The following GRIP2 variants were observed in gnomAD, a reference collection of about 807,000 sequenced individuals.
The protein encoded by GRIP2 is glutamate receptor-interacting protein 2.
In GRIP2, 58 loss-of-function variants were observed where a neutral mutation model predicts 108.3. That is an observed-to-expected ratio of 0.54 (90% CI 0.43 to 0.67). The LOEUF is 0.67. Among genes scored for constraint, GRIP2 ranks in the 30% least tolerant of loss-of-function variants. The pLI, the probability that GRIP2 is intolerant of heterozygous loss-of-function variation, is 0.00. For synonymous variants in GRIP2, 586 were observed against 598.2 expected, an observed-to-expected ratio of 0.98 and a Z score of 0.30; for missense variants, 1,278 against 1,430.6, an observed-to-expected ratio of 0.89 and a Z score of 1.72.
rs1022537012 is a variant in GRIP2 at position 14,496,471 on chromosome 3, G to A, written c.2769C>T (p.Ala923=). 3 of 1,612,282 alleles carry A rather than the reference G, an allele frequency of 1.9e-6. No individual in the cohort carries two copies. The highest frequency in any genetic ancestry group is 3.3e-5 in the Admixed American group (2 of 59,862). The change falls in exon 22 of 24, where the codon GCC becomes GCT. Residue 923 remains alanine (A), a synonymous_variant. Transcript: ENST00000621039. ...RPWQRGREVR[A]SPAEMEELLL... is the part of the protein sequence containing the mutation. Reference sequence around the variant, plus strand: ...ACAGCTCCTCCATTTCTGCAGGAGAGGCTCGTACCTCCCGGCCCCTCTGCC... The same window carrying A: ...ACAGCTCCTCCATTTCTGCAGGAGAAGCTCGTACCTCCCGGCCCCTCTGCC...
At chr3:14,573,794 C>T in the GRIP2 span, 36 of 1,549,922 alleles carry the variant, frequency 2.3e-5, no homozygotes, top group Non-Finnish European at 3.1e-5. Context: ...CAAACTGTCT[C>T]TTGTGGCCGG....
At chr3:14,497,129 T>C (rs34307905) in intron 21 of GRIP2, among the ~76,000 whole-genome samples, 16,624 of 151,964 alleles carry the variant, frequency 0.11, 1,085 homozygotes, top group Non-Finnish European at 0.15. Context: ...GCCCAGCTAA[T>C]TTTATATTTT....
chr3:14,572,740 G>A, the GRIP2 span: 1 of 519,612 alleles, frequency 1.9e-6, no homozygotes. Flanking sequence ...CAGGAAACAG[G>A]CCAGTTCCCA....
rs778999651 is a variant in GRIP2 at position 14,507,609 on chromosome 3, G to T, written c.2170C>A (p.Gln724Lys). The T allele has an allele frequency of 1.2e-6, 2 of 1,613,992 alleles. No individual in the cohort carries two copies. Among genetic ancestry groups the T allele is most frequent in the Admixed American group, 3.3e-5 (2 of 60,032 alleles). The part of the protein sequence containing the change: ...RPLSEAIHLL[Q>K]VAGETVTLKI... ...AGTGTGACGGTCTCTCCAGCCACCT[G>T]CAGGAGGTGGATGGCCTCGCTCAGC... The change falls in exon 18 of 24, where the codon CAG (glutamine) becomes AAG (lysine). Residue 724 changes from glutamine to lysine, a missense_variant. Physicochemically the swap from Gln to Lys is moderately conservative, Grantham distance 53 (BLOSUM62 1). Transcript: ENST00000621039. This position sits in a 1 kb window ranked among gnomAD's most constrained non-coding sequence, Gnocchi z 4.6.
chr3:14,542,283 A>G (rs1348510238), upstream of GRIP2, among the ~76,000 whole-genome samples: 1 of 151,848 alleles, frequency 6.6e-6, no homozygotes, highest in Non-Finnish European at 1.5e-5. Context: ...CCTCCCTGGT[A>G]TCTGGGACTA....
chr3:14,526,805 T>C (rs1694566741), intron 1 of GRIP2, among the ~76,000 whole-genome samples: 1 of 152,210 alleles, frequency 6.6e-6, no homozygotes, highest in African/African-American at 2.4e-5. Context: ...CTTTCATACA[T>C]TTCAAACATA....
chr3:14,597,840 G>T, the GRIP2 span, among the ~76,000 whole-genome samples: 1 of 152,214 alleles, frequency 6.6e-6, no homozygotes, highest in African/African-American at 2.4e-5. Flanking sequence ...CATGGCATGG[G>T]AAATGACTTC....
the GRIP2 span, chr3:14,574,045 TCTC>T: frequency 1.1e-5 from 17 of 1,500,082 alleles, no homozygotes; most frequent in South Asian, 1.9e-4. Context: ...ATCCAGAAGT[TCTC>T]CTGCTGCACG....
upstream of GRIP2, among the ~76,000 whole-genome samples, chr3:14,557,839 C>A (rs759710966): frequency 3.3e-5 from 5 of 152,220 alleles, no homozygotes; most frequent in Non-Finnish European, 4.4e-5. Flanking sequence ...GATCTGAGGT[C>A]AAATCCCAAC....
intron 21 of GRIP2, among the ~76,000 whole-genome samples, chr3:14,498,267 A>G (rs528059659): frequency 2.6e-5 from 4 of 152,216 alleles, no homozygotes; most frequent in African/African-American, 9.6e-5. Flanking sequence ...TTCAAGACCA[A>G]CCTGGGCAAA....
chr3:14,497,379 C>G (rs1693640981), intron 21 of GRIP2, among the ~76,000 whole-genome samples: 1 of 152,168 alleles, frequency 6.6e-6, no homozygotes, highest in Non-Finnish European at 1.5e-5. Flanking sequence ...GAAGTGAGAG[C>G]CTGGGACAGG....
the GRIP2 span, among the ~76,000 whole-genome samples, chr3:14,575,812 G>A: frequency 2.0e-5 from 3 of 152,346 alleles, no homozygotes; most frequent in South Asian, 2.1e-4. Flanking sequence ...CTTGAGGGGC[G>A]GGCTGGCAGG....
Position 14,540,173 on chromosome 3 carries a change from G to C in GRIP2, c.40+96C>G. On this transcript the variant is annotated intron_variant, in intron 1 of 23. Transcript: ENST00000621039. The surrounding 1 kb of genome is among the most constrained non-coding windows in gnomAD (Gnocchi z 4.1). ...GGTCTCCAGGGAGTGGCAGTCCCAG[G>C]TCTCAGCCATCCAGTCCCCTCTCTC... 6.8e-7 allele frequency: 1 copy of C among 1,461,552 alleles called. No homozygotes were observed. The highest frequency in any genetic ancestry group is 9.3e-7 in the Non-Finnish European group (1 of 1,077,816). 90.5% of individuals were successfully genotyped at this position (1,461,552 alleles called of 1,614,324 possible).
At position 14,495,002 on chromosome 3, in the gene GRIP2, G is replaced by A. The variant is rs752853024; in HGVS notation, c.2824-13C>T. On this transcript the variant is annotated splice_polypyrimidine_tract_variant and intron_variant, in intron 22 of 23. Transcript: ENST00000621039. ...TGTGCAGGGTCACCTGGAAGCAGAA[G>A]GAGGAGGAGGTTCCTGGAACTCTGA... The A allele has an allele frequency of 1.2e-6, 2 of 1,608,610 alleles. No individual in the cohort carries two copies. Among genetic ancestry groups the A allele is most frequent in the African/African-American group, 2.7e-5 (2 of 74,802 alleles).
the GRIP2 span, among the ~76,000 whole-genome samples, chr3:14,596,240 G>C: frequency 2.6e-5 from 4 of 152,230 alleles, no homozygotes; most frequent in Non-Finnish European, 4.4e-5. Flanking sequence ...AGGTAAGAAA[G>C]GTTACTGCAG....
In GRIP2 at chr3:14,512,583, G is replaced by C. The variant is rs1209008061; in HGVS notation, c.1720+194C>G. ...CCATGGTGCAGAACGGGAAGCTGAAGCTTTGGGAAGCTGGGGTCTCGCTGA... is the reference window on the plus strand; with the variant it reads ...CCATGGTGCAGAACGGGAAGCTGAACCTTTGGGAAGCTGGGGTCTCGCTGA... On this transcript the variant is annotated intron_variant, in intron 14 of 23. Coordinates refer to ENST00000621039, the MANE Select transcript of GRIP2 (RefSeq NM_001080423.4). The surrounding 1 kb of genome is among the most constrained non-coding windows in gnomAD (Gnocchi z 5.1). 1.3e-5 allele frequency among the ~76,000 whole-genome samples: 2 copies of C among 152,196 alleles called. No homozygotes were observed. Among genetic ancestry groups the C allele is most frequent in the Non-Finnish European group, 2.9e-5 (2 of 68,032 alleles).
chr3:14,517,647 G>T, intron 10 of GRIP2, 125 bp downstream of exon 10: 2 of 1,273,644 alleles, frequency 1.6e-6, no homozygotes, highest in Non-Finnish European at 2.2e-6. Context: ...GACCACAGGC[G>T]TGCACCACCA....
At chr3:14,499,136 A>G (rs553678281) in intron 21 of GRIP2, among the ~76,000 whole-genome samples, 1 of 152,350 alleles carries the variant, frequency 6.6e-6, no homozygotes, top group Non-Finnish European at 1.5e-5. Context: ...TGACCTCCGC[A>G]TGAAGGTGGG....
chr3:14,576,975 G>A, the GRIP2 span, among the ~76,000 whole-genome samples: 1 of 152,220 alleles, frequency 6.6e-6, no homozygotes, highest in South Asian at 2.1e-4. Context: ...CCTAATTAAA[G>A]TTTGTAATGA....
Sources: gnomAD v4.1 joint callset for allele counts (sites outside exome capture counted in the v4.1 genomes callset) on GRCh38, gnomAD v4.1.1 for gene constraint, Gnocchi (gnomAD v3.1) non-coding constraint, MANE v1.5 for transcripts, NCBI Gene and HGNC (gene_info 2026-07-23, HGNC 2026-07-21) for gene names.